Variants in LSM11 observed in about 807,000 individuals in gnomAD.
LSM11 encodes LSM11, U7 small nuclear RNA associated.
Under a neutral mutation model 28.1 loss-of-function variants are expected in LSM11, and 14 were observed. The observed-to-expected ratio is 0.50, with a 90% CI of 0.33 to 0.78. The LOEUF (loss-of-function observed/expected upper bound fraction) is 0.78, where lower values mean the gene tolerates loss of function less well. Ranked by LOEUF, LSM11 falls within the 30% of genes least tolerant of loss-of-function variation. The pLI is 0.02. For missense variants in LSM11, 495 were observed against 510.6 expected (o/e 0.97, Z 0.30); for synonymous variants, 207 against 214.2 (o/e 0.97, Z 0.30).
intron 2 of LSM11, 70 bp from the exon 3 acceptor site, chr5:157,753,932 TTC>T: frequency 9.3e-7 from 1 of 1,075,912 alleles, no homozygotes. Flanking sequence ...CTTTTTTTTT[TTC>T]CCTGAAAAAG....
intron 1 of LSM11, among the ~76,000 whole-genome samples, chr5:157,750,918 A>G (rs993432791): frequency 1.3e-5 from 2 of 152,026 alleles, no homozygotes; most frequent in Non-Finnish European, 2.9e-5. Flanking sequence ...AGTAGCTGAG[A>G]TTACAGGCAT....
intron 2 of LSM11, among the ~76,000 whole-genome samples, chr5:157,752,215 G>A (rs1415195829): frequency 1.3e-5 from 2 of 149,946 alleles, no homozygotes; most frequent in Non-Finnish European, 3.0e-5. Context: ...AGGCTGGAGT[G>A]CAGTGGCACA....
intron 1 of LSM11, among the ~76,000 whole-genome samples, chr5:157,749,821 T>C (rs1484889430): frequency 6.6e-6 from 1 of 152,226 alleles, no homozygotes; most frequent in Non-Finnish European, 1.5e-5. Flanking sequence ...AAGAATCTTT[T>C]ATTAATTTAT....
intron 1 of LSM11, among the ~76,000 whole-genome samples, chr5:157,748,154 T>C (rs1403861600): frequency 6.6e-6 from 1 of 152,170 alleles, no homozygotes; most frequent in East Asian, 1.9e-4. Flanking sequence ...CTAAAACTAT[T>C]TTCAGAGAAA....
intron 2 of LSM11, 33 bp downstream of exon 2, chr5:157,751,562 C>A (rs759720576): frequency 1.9e-6 from 3 of 1,571,202 alleles, no homozygotes; most frequent in Non-Finnish European, 2.6e-6. Flanking sequence ...GCTGGAGAAC[C>A]TCCTACAGAT....
Position 157,743,733 on chromosome 5 carries a change from C to T in LSM11, c.-18C>T. On this transcript the variant is annotated 5_prime_UTR_variant, in exon 1 of 4. Coordinates refer to ENST00000286307, the MANE Select transcript of LSM11 (RefSeq NM_173491.4). ...CGTTCCTTCTTCCCATCGGCCTCGG[C>T]TTGCGGGCCTTTCAAACATGGAGGA... The T allele has an allele frequency of 1.5e-6, 2 of 1,340,696 alleles. No homozygotes were observed. Among genetic ancestry groups the T allele is most frequent in the Non-Finnish European group, 9.6e-7 (1 of 1,045,992 alleles). 83.0% of individuals were successfully genotyped at this position (1,340,696 alleles called of 1,614,324 possible).
chr5:157,748,691 CAA>C (rs1458143807), intron 1 of LSM11, among the ~76,000 whole-genome samples: 11 of 151,936 alleles, frequency 7.2e-5, no homozygotes, highest in African/African-American at 2.4e-4. Context: ...CTAAGGAAAA[CAA>C]GAGTTACTGT....
intron 1 of LSM11, among the ~76,000 whole-genome samples, chr5:157,748,963 A>G (rs1165242962): frequency 6.6e-6 from 1 of 152,148 alleles, no homozygotes; most frequent in Non-Finnish European, 1.5e-5. Flanking sequence ...GACGGCTGGA[A>G]AGAGAATGTG....
intron 3 of LSM11, 61 bp downstream of exon 3, chr5:157,754,148 A>C: frequency 8.5e-7 from 1 of 1,181,844 alleles, no homozygotes; most frequent in Non-Finnish European, 1.2e-6. Flanking sequence ...AGGAATTAAG[A>C]TCCCTGAGCC....
chr5:157,752,928 C>G (rs1302196079), intron 2 of LSM11, among the ~76,000 whole-genome samples: 1 of 151,430 alleles, frequency 6.6e-6, no homozygotes, highest in Non-Finnish European at 1.5e-5. Flanking sequence ...CTTTCCTTTT[C>G]CCTGTGCTTT....
At chr5:157,752,162 C>CTTTTTT (rs3045954) in intron 2 of LSM11, among the ~76,000 whole-genome samples, 1 of 140,116 alleles carries the variant, frequency 7.1e-6, no homozygotes, top group African/African-American at 2.6e-5. Flanking sequence ...TGCATGATGT[C>CTTTTTT]TTTTTTTTTT....
chr5:157,747,534 G>T, intron 1 of LSM11: 1 of 229,426 alleles, frequency 4.4e-6, no homozygotes, highest in South Asian at 8.3e-5. Flanking sequence ...TGCTGAGAAG[G>T]ATTTCAAAAC....
intron 1 of LSM11, among the ~76,000 whole-genome samples, chr5:157,745,466 C>T (rs1761133280): frequency 6.6e-6 from 1 of 152,214 alleles, no homozygotes; most frequent in Non-Finnish European, 1.5e-5. Flanking sequence ...ATGCTTGTTC[C>T]CAAAATGAGA....
chr5:157,754,022 G>A lies in LSM11; in HGVS notation c.607G>A (p.Glu203Lys), dbSNP rs1477236195. Reference protein sequence around the residue: ...FWNMALTDVDETYRKPVLGKA... With the variant: ...FWNMALTDVDKTYRKPVLGKA... Reference sequence around the variant, plus strand: ...CCTCTAGGCACTTACTGATGTGGATGAGACCTACCGAAAACCTGTCCTAGG... The same window carrying A: ...CCTCTAGGCACTTACTGATGTGGATAAGACCTACCGAAAACCTGTCCTAGG... The change falls in exon 3 of 4, where the codon GAG becomes AAG. Residue 203 changes from glutamate (E) to lysine (K), a missense_variant. Coordinates refer to ENST00000286307, the MANE Select transcript of LSM11 (RefSeq NM_173491.4). 6.3e-7 allele frequency: 1 copy of A among 1,575,482 alleles called. No individual in the cohort carries two copies. Among genetic ancestry groups the A allele is most frequent in the Non-Finnish European group, 8.6e-7 (1 of 1,161,830 alleles).
intron 1 of LSM11, among the ~76,000 whole-genome samples, chr5:157,748,120 T>C (rs573865817): frequency 7.4e-4 from 112 of 152,268 alleles, no homozygotes; most frequent in African/African-American, 2.1e-3. Context: ...CAATCTGTCA[T>C]GGCACCCTTC....
At position 157,760,103 on chromosome 5, in the gene LSM11, T is replaced by G. The variant is rs564366293; in HGVS notation, c.*4839T>G. On this transcript the variant is annotated 3_prime_UTR_variant, in exon 4 of 4. Coordinates refer to ENST00000286307, the MANE Select transcript of LSM11 (RefSeq NM_173491.4). ...AGAGTTAGTGCTTCTTTAAAAACAC[T>G]CCTTGGAAAGATGGGGACTGTCCCT... is the stretch of plus-strand genomic sequence containing the variant. 6.6e-6 allele frequency: 1 copy of G among 152,326 alleles called. No individual in the cohort carries two copies. Among genetic ancestry groups the G allele is most frequent in the East Asian group, 1.9e-4 (1 of 5,192 alleles). The allele number at this position is 152,326 out of a possible 1,614,324, so 9.4% of individuals were successfully genotyped here. A position where few individuals can be genotyped will look rare whatever the true frequency, so the allele number is the denominator to read the frequency against.
At chr5:157,746,589 G>C (rs1252366774) in intron 1 of LSM11, among the ~76,000 whole-genome samples, 1 of 152,188 alleles carries the variant, frequency 6.6e-6, no homozygotes, top group Admixed American at 6.5e-5. Flanking sequence ...TTGTGGAGCA[G>C]TTGTATTCTT....
At chr5:157,744,263 G>T in intron 1 of LSM11, 65 bp downstream of exon 1, 3 of 1,183,370 alleles carry the variant, frequency 2.5e-6, no homozygotes, top group Non-Finnish European at 3.2e-6. Flanking sequence ...CCGAGGGGGC[G>T]TCTGCGGGGC....
intron 2 of LSM11, among the ~76,000 whole-genome samples, chr5:157,752,836 ACT>A: frequency 8.7e-6 from 1 of 115,414 alleles, no homozygotes; most frequent in East Asian, 2.7e-4. Flanking sequence ...GCAGAGCGAG[ACT>A]CTGTCAAAAA....
Sources: allele counts gnomAD v4.1 joint callset (sites outside exome capture counted in the v4.1 genomes callset), GRCh38; gene constraint gnomAD v4.1.1; transcripts MANE v1.5; gene names NCBI Gene and HGNC (gene_info 2026-07-23, HGNC 2026-07-21).